RB1CC1: variants seen among roughly 807,000 people sequenced by gnomAD.
The protein encoded by RB1CC1 is RB1 inducible coiled-coil 1, also known as RB1-inducible coiled-coil protein 1.
In RB1CC1, 46 loss-of-function variants were observed where a neutral mutation model predicts 177.5. That is an observed-to-expected ratio of 0.26 (90% CI 0.20 to 0.33). The LOEUF (loss-of-function observed/expected upper bound fraction) is 0.33, where lower values mean the gene tolerates loss of function less well. RB1CC1 is among the 10% of genes least tolerant of loss of function. The pLI is 1.00. For synonymous variants in RB1CC1, 666 were observed against 613.6 expected, an observed-to-expected ratio of 1.09 and a Z score of -1.26; for missense variants, 1,703 against 1,816.3, an observed-to-expected ratio of 0.94 and a Z score of 1.13.
At chr8:52,693,343 G>T (rs888617101) in intron 1 of RB1CC1, among the ~76,000 whole-genome samples, 1 of 152,016 alleles carries the variant, frequency 6.6e-6, no homozygotes, top group African/African-American at 2.4e-5. Flanking sequence ...ACAACCTACG[G>T]GATGGAAGAA....
At position 52,660,929 on chromosome 8, in the gene RB1CC1, A is replaced by G; in HGVS notation, c.1624T>C (p.Phe542Leu). ...AAAATTATTAATGAACACTTACTAA[A>G]TAATTTCCCAAAGGATTCCCTTTTT... ...KSKRESFGKL[F>L]RKSFLRNRLF... Residue 542 changes from phenylalanine to leucine, a missense_variant, in exon 11 of 24, where the codon TTT becomes CTT. Phe to Leu is a conservative substitution (Grantham distance 22). Transcript: ENST00000025008. 6.2e-7 allele frequency: 1 copy of G among 1,606,612 alleles called. No homozygotes were observed. The highest frequency in any genetic ancestry group is 8.5e-7 in the Non-Finnish European group (1 of 1,175,152).
At chr8:52,663,795 A>G (rs1012657250) in intron 8 of RB1CC1, among the ~76,000 whole-genome samples, 1 of 152,186 alleles carries the variant, frequency 6.6e-6, no homozygotes, top group Non-Finnish European at 1.5e-5. Context: ...ATTCAAAAAA[A>G]CACAAATCCA....
intron 15 of RB1CC1, among the ~76,000 whole-genome samples, chr8:52,655,180 G>A (rs1419413025): frequency 6.6e-6 from 1 of 152,050 alleles, no homozygotes; most frequent in Non-Finnish European, 1.5e-5. Flanking sequence ...CTAATTTTAA[G>A]CCAAAAGGGG....
intron 16 of RB1CC1, among the ~76,000 whole-genome samples, chr8:52,645,028 G>A (rs951013492): frequency 7.9e-5 from 12 of 152,070 alleles, no homozygotes; most frequent in Non-Finnish European, 1.5e-4. Flanking sequence ...ATCTAATTAT[G>A]CCATTGTAAT....
rs1307679652 is a variant in RB1CC1, at chr8:52,679,272, G to C, written c.370-2701C>G. Among the ~76,000 whole-genome samples the C allele has an allele frequency of 3.3e-5, 5 of 152,136 alleles. No homozygotes were observed. In the South Asian group the frequency reaches 1.0e-3, roughly 31 times the overall value. On this transcript the variant is annotated intron_variant, in intron 5 of 23. Transcript: ENST00000025008. ...TTTTGCCACAGGGAAATTTCTTGTA[G>C]GCTTCAAGATCTTTAACCTAAAACA...
At chr8:52,649,148 C>G (rs377526932) in intron 15 of RB1CC1, among the ~76,000 whole-genome samples, 1 of 152,288 alleles carries the variant, frequency 6.6e-6, no homozygotes, top group East Asian at 1.9e-4. Context: ...GAGGGAATGA[C>G]TGTATTTAAT....
At chr8:52,680,691 A>G (rs1275499181) in intron 5 of RB1CC1, among the ~76,000 whole-genome samples, 4 of 152,226 alleles carry the variant, frequency 2.6e-5, no homozygotes. Context: ...ACTGTGGCAT[A>G]TTCGTACAAT....
intron 1 of RB1CC1, among the ~76,000 whole-genome samples, chr8:52,706,361 CTTT>C (rs71252955): frequency 7.9e-5 from 11 of 138,374 alleles, no homozygotes; most frequent in Non-Finnish European, 7.9e-5. Flanking sequence ...CAACTGTTAT[CTTT>C]TTTTTTTTTT....
In RB1CC1 at chr8:52,637,295, A is replaced by AT. The variant is rs776363066; in HGVS notation, c.4338-1227dup. On this transcript the variant is annotated intron_variant, in intron 18 of 23. Coordinates refer to ENST00000025008, the MANE Select transcript of RB1CC1 (RefSeq NM_014781.5). The stretch of plus-strand genomic sequence containing the variant: ...TCTTTTGTTAAATCTATTCCTAAGT[A>AT]TTTTTACCTTTTTGATGCCATCAGA... 7.7e-4 allele frequency among the ~76,000 whole-genome samples: 117 copies of AT among 152,272 alleles called. 1 individual carries two copies. Among genetic ancestry groups the AT allele is most frequent in the Admixed American group, 1.4e-3 (22 of 15,290 alleles).
intron 1 of RB1CC1, among the ~76,000 whole-genome samples, chr8:52,710,306 A>T (rs1025924311): frequency 6.6e-6 from 1 of 152,240 alleles, no homozygotes; most frequent in Admixed American, 6.5e-5. Context: ...CCTTGTCTAC[A>T]AACTAGACAA....
rs183272744 is a variant in RB1CC1 at position 52,692,888 on chromosome 8, C to G, written c.-166-5921G>C. Among the ~76,000 whole-genome samples, 412 of 152,258 alleles carry G rather than the reference C, an allele frequency of 2.7e-3. 2 individuals are homozygous for G. Among genetic ancestry groups the G allele is most frequent in the African/African-American group, 9.3e-3 (387 of 41,556 alleles). ...ACAAGGTAAGGTTTTCAACAGAAAGCAAAGTCATCATCCAAGAAATGGCAT... is the reference window on the plus strand; with the variant it reads ...ACAAGGTAAGGTTTTCAACAGAAAGGAAAGTCATCATCCAAGAAATGGCAT... On this transcript the variant is annotated intron_variant, in intron 1 of 23. Transcript: ENST00000025008.
rs149531122 is a variant in RB1CC1, at chr8:52,697,632, G to C, written c.-166-10665C>G. Among the ~76,000 whole-genome samples the C allele has an allele frequency of 3.8e-3, 572 of 152,296 alleles. 2 individuals are homozygous for C. Among genetic ancestry groups the C allele is most frequent in the Middle Eastern group, 0.017 (5 of 294 alleles). On this transcript the variant is annotated intron_variant, in intron 1 of 23. Transcript: ENST00000025008. The stretch of plus-strand genomic sequence containing the variant: ...AGGCTGGAAGGAAAGAACAGAATTA[G>C]CTGGGCAGTAGAAAGGTGAGATTGG...
intron 17 of RB1CC1, 27 bp downstream of exon 17, chr8:52,642,677 A>C (rs367880095): frequency 2.6e-5 from 41 of 1,571,062 alleles, no homozygotes; most frequent in Non-Finnish European, 3.5e-5. Flanking sequence ...TAAAAAATTA[A>C]AAAAAATAGT....
rs758318553 is a variant in RB1CC1, at chr8:52,658,931, A to C, written c.1735T>G (p.Leu579Val). The change falls in exon 13 of 24, where the codon TTA (leucine) becomes GTA (valine). Residue 579 changes from leucine (L) to valine (V), a missense_variant. By Grantham distance (32) the Leu-to-Val change is conservative (BLOSUM62 1). Coordinates refer to ENST00000025008, the MANE Select transcript of RB1CC1 (RefSeq NM_014781.5). ...GATTGCAGAAACTGTAAATCTTTTA[A>C]TGAAATATCTGGAAGTTCACAGTCA... ...KFDCELPDIS[L>V]KDLQFLQSFC... The C allele has an allele frequency of 6.3e-7, 1 of 1,588,692 alleles. No individual in the cohort carries two copies. Among genetic ancestry groups the C allele is most frequent in the Admixed American group, 1.8e-5 (1 of 56,540 alleles).
intron 21 of RB1CC1, among the ~76,000 whole-genome samples, chr8:52,629,638 A>C (rs1020109709): frequency 2.0e-5 from 3 of 152,180 alleles, no homozygotes; most frequent in African/African-American, 7.2e-5. Flanking sequence ...ACAGAGGTTA[A>C]GCCTGATAAG....
In RB1CC1 at chr8:52,683,916, G is replaced by A. The variant is rs1563437586; in HGVS notation, c.169C>T (p.Arg57Ter). 1 of 1,614,008 alleles carries A rather than the reference G, an allele frequency of 6.2e-7. No homozygotes were observed. The highest frequency in any genetic ancestry group is 8.5e-7 in the Non-Finnish European group (1 of 1,179,996). The change falls in exon 4 of 24, where the codon CGA becomes TGA. Residue 57 changes from arginine (R) to a stop codon, truncating the protein, a stop_gained. Transcript: ENST00000025008. LOFTEE classifies it high-confidence loss of function. Reference sequence around the variant, plus strand: ...CCAGCACTGTAGGTACACACTCTTCGATCTGCAGCCATGCATTCTCCTCCA... The same window carrying A: ...CCAGCACTGTAGGTACACACTCTTCAATCTGCAGCCATGCATTCTCCTCCA... Reference protein sequence around the residue: ...VNGGECMAADRRVCTYSAGTD... With the variant: ...VNGGECMAAD
intron 3 of RB1CC1, among the ~76,000 whole-genome samples, chr8:52,684,218 G>T (rs543951521): frequency 1.3e-5 from 2 of 152,206 alleles, no homozygotes; most frequent in African/African-American, 4.8e-5. Context: ...AACAGCAAAA[G>T]AATATGCTCA....
intron 1 of RB1CC1, among the ~76,000 whole-genome samples, chr8:52,689,620 C>G (rs373080829): frequency 6.6e-6 from 1 of 152,094 alleles, no homozygotes; most frequent in African/African-American, 2.4e-5. Flanking sequence ...ATATAATATG[C>G]TCTTCCTTTC....
intron 12 of RB1CC1, 123 bp downstream of exon 12, chr8:52,660,473 C>G: frequency 1.0e-6 from 1 of 952,482 alleles, no homozygotes; most frequent in South Asian, 1.6e-5. Flanking sequence ...GCCAAAAACA[C>G]TTTTATTTTG....
Sources: gnomAD v4.1 joint callset for allele counts (sites outside exome capture counted in the v4.1 genomes callset) on GRCh38, gnomAD v4.1.1 for gene constraint, MANE v1.5 for transcripts, NCBI Gene and HGNC (gene_info 2026-07-23, HGNC 2026-07-21) for gene names.